CMKLR1: variants seen among roughly 807,000 people sequenced by gnomAD.
The protein encoded by CMKLR1 is chemerin-like receptor 1.
Under a neutral mutation model 8.2 loss-of-function variants are expected in CMKLR1, and 6 were observed. That is an observed-to-expected ratio of 0.73 (90% CI 0.40 to 1.44). The LOEUF is 1.44. Ranked by LOEUF, CMKLR1 falls within the 40% of genes most tolerant of loss-of-function variation. The pLI, the probability that CMKLR1 is intolerant of heterozygous loss-of-function variation, is 0.02. For missense variants in CMKLR1, 429 were observed against 478.0 expected, an observed-to-expected ratio of 0.90 and a Z score of 0.96; for synonymous variants, 178 against 181.2, an observed-to-expected ratio of 0.98 and a Z score of 0.14.
At position 108,292,387 on chromosome 12, in the gene CMKLR1, G is replaced by A. The variant is rs1891007079; in HGVS notation, c.576C>T (p.Asn192=). The A allele has an allele frequency of 1.9e-6, 3 of 1,614,200 alleles. No individual in the cohort carries two copies. In the Admixed American group the frequency reaches 5.0e-5, roughly 27 times the overall value. Residue 192 remains asparagine, a synonymous_variant, in exon 4 of 4, where the codon AAC becomes AAT. Transcript: ENST00000550402. ...NLHGKISCFN[N]FSLSTPGSSS... ...AAGACCCAGGTGTGGACAGGCTGAA[G>A]TTGTTGAAGCAGGATATTTTCCCAT...
intron 2 of CMKLR1, among the ~76,000 whole-genome samples, chr12:108,308,464 T>A (rs1409926496): frequency 6.6e-6 from 1 of 151,312 alleles, no homozygotes; most frequent in East Asian, 1.9e-4. Context: ...CGCCCGGACC[T>A]CTCGCTGGCC....
intron 2 of CMKLR1, among the ~76,000 whole-genome samples, chr12:108,310,906 C>T (rs1321440428): frequency 1.3e-5 from 2 of 152,146 alleles, no homozygotes; most frequent in Non-Finnish European, 2.9e-5. Flanking sequence ...ACCAGGGAGG[C>T]ACATCCCAGG....
At chr12:108,321,901 G>A (rs983283565) in intron 2 of CMKLR1, among the ~76,000 whole-genome samples, 1 of 152,200 alleles carries the variant, frequency 6.6e-6, no homozygotes, top group Non-Finnish European at 1.5e-5. Context: ...GTTGGAGGTA[G>A]GGCCTAAGGG....
intron 2 of CMKLR1, among the ~76,000 whole-genome samples, chr12:108,305,902 A>G (rs1465779901): frequency 1.3e-5 from 2 of 152,194 alleles, no homozygotes; most frequent in Admixed American, 6.5e-5. Flanking sequence ...TATGCCCCTG[A>G]ACCCAGACAG....
At chr12:108,332,971 T>C (rs1892143380) in intron 1 of CMKLR1, among the ~76,000 whole-genome samples, 1 of 151,956 alleles carries the variant, frequency 6.6e-6, no homozygotes, top group African/African-American at 2.4e-5. Flanking sequence ...TGAGATTTTG[T>C]CTCAAAAAAT....
chr12:108,316,444 G>A (rs949728675), intron 2 of CMKLR1, among the ~76,000 whole-genome samples: 3 of 152,154 alleles, frequency 2.0e-5, no homozygotes, highest in African/African-American at 4.8e-5. Flanking sequence ...GAGGAGAGAC[G>A]CACAGGGACT....
chr12:108,308,743 T>C (rs1364568594), intron 2 of CMKLR1, among the ~76,000 whole-genome samples: 3 of 152,198 alleles, frequency 2.0e-5, no homozygotes, highest in Admixed American at 2.0e-4. Context: ...ACAATCTTGA[T>C]ATTGGGCTCA....
intron 2 of CMKLR1, among the ~76,000 whole-genome samples, chr12:108,314,366 G>T (rs552060866): frequency 5.3e-5 from 8 of 152,272 alleles, no homozygotes; most frequent in African/African-American, 1.9e-4. Flanking sequence ...CCACTCAGGG[G>T]AATAGTAAGG....
At chr12:108,304,361 T>C (rs551901286) in intron 2 of CMKLR1, among the ~76,000 whole-genome samples, 82 of 152,298 alleles carry the variant, frequency 5.4e-4, no homozygotes, top group African/African-American at 1.9e-3. Flanking sequence ...GTGTGTCCTA[T>C]GGGCTCAGTG....
chr12:108,292,213 G>T lies in CMKLR1; in HGVS notation c.750C>A (p.Asn250Lys). The T allele has an allele frequency of 6.2e-7, 1 of 1,614,080 alleles. No individual in the cohort carries two copies. Reference protein sequence around the residue: ...YLTIVCKLQRNRLAKTKKPFK... With the variant: ...YLTIVCKLQRKRLAKTKKPFK... ...AGGGCTTCTTGGTCTTGGCCAGGCG[G>T]TTGCGCTGCAGTTTGCACACGATGG... Residue 250 changes from asparagine to lysine, a missense_variant, in exon 4 of 4, where the codon AAC becomes AAA. Physicochemically the swap from Asn to Lys is moderately conservative, Grantham distance 94. Transcript: ENST00000550402.
chr12:108,319,363 A>G (rs1416877347), intron 2 of CMKLR1, among the ~76,000 whole-genome samples: 1 of 152,336 alleles, frequency 6.6e-6, no homozygotes, highest in East Asian at 1.9e-4. Flanking sequence ...AACTTGCCCA[A>G]GATCACACAG....
intron 2 of CMKLR1, 126 bp downstream of exon 2, chr12:108,329,869 G>A (rs1892064821): frequency 6.6e-6 from 1 of 152,200 alleles, no homozygotes; most frequent in Admixed American, 6.5e-5. Context: ...AAAAATGGGA[G>A]TGTAGTCTAA....
At chr12:108,322,708 C>T (rs1489915442) in intron 2 of CMKLR1, among the ~76,000 whole-genome samples, 1 of 152,116 alleles carries the variant, frequency 6.6e-6, no homozygotes, top group African/African-American at 2.4e-5. Context: ...GCTGGCTCCC[C>T]TTCCCCTTCT....
chr12:108,332,582 C>A (rs954757307), intron 1 of CMKLR1, among the ~76,000 whole-genome samples: 7 of 152,082 alleles, frequency 4.6e-5, no homozygotes, highest in African/African-American at 1.7e-4. Context: ...AAGGAGAGAC[C>A]GGCCTAGCCT....
chr12:108,330,896 C>A (rs1245708175), intron 1 of CMKLR1, among the ~76,000 whole-genome samples: 1 of 152,172 alleles, frequency 6.6e-6, no homozygotes, highest in Non-Finnish European at 1.5e-5. Flanking sequence ...CAACACATAT[C>A]CCAAGAGCCT....
intron 2 of CMKLR1, among the ~76,000 whole-genome samples, chr12:108,296,971 T>C (rs1286195154): frequency 6.6e-6 from 1 of 152,230 alleles, no homozygotes; most frequent in African/African-American, 2.4e-5. Flanking sequence ...TTGTGAATTA[T>C]AAAGAGCTGT....
At chr12:108,314,764 T>A (rs1329478630) in intron 2 of CMKLR1, among the ~76,000 whole-genome samples, 1 of 152,066 alleles carries the variant, frequency 6.6e-6, no homozygotes, top group African/African-American at 2.4e-5. Flanking sequence ...AATTTTATTA[T>A]TTTAATTTTT....
At chr12:108,309,543 A>G (rs1891497707) in intron 2 of CMKLR1, among the ~76,000 whole-genome samples, 1 of 152,150 alleles carries the variant, frequency 6.6e-6, no homozygotes, top group East Asian at 1.9e-4. Context: ...CTCCAAAAAA[A>G]AAAAAAGCCA....
At chr12:108,333,103 T>C (rs1339659371) in intron 1 of CMKLR1, among the ~76,000 whole-genome samples, 1 of 152,232 alleles carries the variant, frequency 6.6e-6, no homozygotes, top group African/African-American at 2.4e-5. Flanking sequence ...CTCTGACCCC[T>C]GATTTCCAGG....
Sources: allele counts gnomAD v4.1 joint callset (sites outside exome capture counted in the v4.1 genomes callset), GRCh38; gene constraint gnomAD v4.1.1; transcripts MANE v1.5; gene names NCBI Gene and HGNC (gene_info 2026-07-23, HGNC 2026-07-21).